The following SSR3 variants were observed in gnomAD, a reference collection of about 807,000 sequenced individuals.
SSR3 encodes the protein signal sequence receptor subunit 3, also known as translocon-associated protein subunit gamma.
In SSR3, 10 loss-of-function variants were observed where a neutral mutation model predicts 22.1. The ratio of observed to expected loss-of-function variants is 0.45; its 90% CI spans 0.28 to 0.77. The LOEUF (loss-of-function observed/expected upper bound fraction) is 0.77. SSR3 is among the 30% of genes least tolerant of loss of function. The pLI is 0.13. For missense variants in SSR3, 181 were observed against 220.5 expected, an observed-to-expected ratio of 0.82 and a Z score of 1.13; for synonymous variants, 104 against 82.5, an observed-to-expected ratio of 1.26 and a Z score of -1.42.
Position 156,554,935 on chromosome 3 carries a change from CCGCCT to C in SSR3, c.133+17_133+21del. 6.2e-7 allele frequency: 1 copy of C among 1,608,492 alleles called. No individual in the cohort carries two copies. The highest frequency in any genetic ancestry group is 8.5e-7 in the Non-Finnish European group (1 of 1,177,764). ...CCGACTAGCCGGCGGCCTGCCTAACCCGCCTCGCTCCCAGCACTCACAGATGGGGA... is the reference window on the plus strand; with the variant it reads ...CCGACTAGCCGGCGGCCTGCCTAACCCGCTCCCAGCACTCACAGATGGGGA... On this transcript the variant is annotated intron_variant, in intron 1 of 4. Transcript: ENST00000265044.
intron 3 of SSR3, among the ~76,000 whole-genome samples, chr3:156,546,493 C>T (rs1719766920): frequency 6.6e-6 from 1 of 152,162 alleles, no homozygotes; most frequent in African/African-American, 2.4e-5. Flanking sequence ...TTCCCTAGAT[C>T]CCAATATGAC....
At chr3:156,546,065 A>T (rs1719749447) in intron 3 of SSR3, among the ~76,000 whole-genome samples, 2 of 152,206 alleles carry the variant, frequency 1.3e-5, no homozygotes, top group African/African-American at 4.8e-5. Flanking sequence ...AGCCCTAAAT[A>T]AGAAGTGATA....
intron 2 of SSR3, 141 bp downstream of exon 2, chr3:156,553,514 A>AGC: frequency 1.2e-6 from 1 of 825,856 alleles, no homozygotes; most frequent in East Asian, 3.0e-5. Flanking sequence ...CCTAGCATCA[A>AGC]TGTTCCTTTC....
intron 3 of SSR3, among the ~76,000 whole-genome samples, chr3:156,544,720 C>A (rs574192342): frequency 6.6e-6 from 1 of 152,166 alleles, no homozygotes; most frequent in Non-Finnish European, 1.5e-5. Flanking sequence ...GCAACCCGCA[C>A]GGTTTCATCA....
chr3:156,541,967 A>G lies in SSR3; in HGVS notation c.*1236T>C, dbSNP rs1719546782. The G allele has an allele frequency of 6.6e-6, 1 of 152,230 alleles. No homozygotes were observed. The highest frequency in any genetic ancestry group is 1.5e-5 in the Non-Finnish European group (1 of 68,044). 9.4% of individuals were successfully genotyped at this position (152,230 alleles called of 1,614,324 possible). ...AATTATAAAGAAAACAACTAATAACATGTATGAAATTCACATTAAATTTAG... is the reference window on the plus strand; with the variant it reads ...AATTATAAAGAAAACAACTAATAACGTGTATGAAATTCACATTAAATTTAG... On this transcript the variant is annotated 3_prime_UTR_variant, in exon 5 of 5. Coordinates refer to ENST00000265044, the MANE Select transcript of SSR3 (RefSeq NM_007107.5).
At chr3:156,552,181 G>A (rs1421812043) in intron 2 of SSR3, among the ~76,000 whole-genome samples, 1 of 151,908 alleles carries the variant, frequency 6.6e-6, no homozygotes, top group Non-Finnish European at 1.5e-5. Flanking sequence ...GTGCGTGCCT[G>A]TAGTCCCAGC....
In SSR3 at chr3:156,553,039, T is replaced by TAA. The variant is rs1429517478; in HGVS notation, c.260+615_260+616insTT. ...AATTAGCATTGAAAATGACAGAGAG[T>TAA]TAAAAAAAAAAAAAAGCAATAAAAT... On this transcript the variant is annotated intron_variant, in intron 2 of 4. Transcript: ENST00000265044. Among the ~76,000 whole-genome samples, 209 of 138,624 alleles carry TAA rather than the reference T, an allele frequency of 1.5e-3. 2 individuals carry two copies. The Middle Eastern group carries it at 0.023, about 15-fold the overall frequency. 90.9% of individuals were successfully genotyped at this position (138,624 alleles called of 152,430 possible).
chr3:156,544,653 G>A (rs2108446015), intron 3 of SSR3, among the ~76,000 whole-genome samples: 2 of 152,234 alleles, frequency 1.3e-5, no homozygotes, highest in East Asian at 1.9e-4. Context: ...CATCATGCTG[G>A]TTATGTTACC....
intron 1 of SSR3, chr3:156,554,115 C>A: frequency 5.5e-6 from 1 of 183,480 alleles, no homozygotes. Context: ...AAACACAGGC[C>A]ATTCCAAAAT....
Position 156,541,090 on chromosome 3 carries a change from T to C in SSR3, c.*2113A>G, listed in dbSNP as rs193069478. Reference sequence around the variant, plus strand: ...CAGTAAACAAATTTTGCTCACTCATTTTCCTACAAATCTTCAGTTTATTAA... The same window carrying C: ...CAGTAAACAAATTTTGCTCACTCATCTTCCTACAAATCTTCAGTTTATTAA... On this transcript the variant is annotated 3_prime_UTR_variant, in exon 5 of 5. Coordinates refer to ENST00000265044, the MANE Select transcript of SSR3 (RefSeq NM_007107.5). 3 of 152,320 alleles carry C rather than the reference T, an allele frequency of 2.0e-5. No homozygotes were observed. In the East Asian group the frequency reaches 5.8e-4, roughly 29 times the overall value. The allele number at this position is 152,320 out of a possible 1,614,324, so 9.4% of individuals were successfully genotyped here.
chr3:156,543,151 T>C lies in SSR3; in HGVS notation c.*52A>G. The stretch of plus-strand genomic sequence containing the variant: ...CCCTGACCACCCTGCTACTTTTCCA[T>C]ATACCACAGGCCACCCATAGACACA... On this transcript the variant is annotated 3_prime_UTR_variant, in exon 5 of 5. Transcript: ENST00000265044. 1.9e-6 allele frequency: 3 copies of C among 1,552,994 alleles called. No individual in the cohort carries two copies. The highest frequency in any genetic ancestry group is 2.7e-6 in the Non-Finnish European group (3 of 1,128,680).
intron 2 of SSR3, chr3:156,551,370 C>G (rs1719949589): frequency 6.6e-6 from 1 of 152,028 alleles, no homozygotes. Context: ...GACTGAGTTC[C>G]AAGAGTATTA....
At chr3:156,551,578 C>A (rs755393633) in intron 2 of SSR3, 1 of 152,184 alleles carries the variant, frequency 6.6e-6, no homozygotes, top group Non-Finnish European at 1.5e-5. Flanking sequence ...ACAGCAGCCA[C>A]GAAAACCTGA....
intron 4 of SSR3, 106 bp downstream of exon 4, chr3:156,544,202 T>A (rs1719675538): frequency 9.7e-7 from 1 of 1,027,840 alleles, no homozygotes; most frequent in Non-Finnish European, 1.3e-6. Flanking sequence ...ATGGACTGAC[T>A]CCCAGAGCAG....
At chr3:156,548,186 C>A (rs1029844074) in intron 3 of SSR3, among the ~76,000 whole-genome samples, 1 of 152,142 alleles carries the variant, frequency 6.6e-6, no homozygotes, top group Non-Finnish European at 1.5e-5. Flanking sequence ...TTCTTCAGCA[C>A]AAGTTTACTC....
rs1719538574 is a variant in SSR3, at chr3:156,541,899, G to C, written c.*1304C>G. ...TGCATGGAGCCCAACACATCCGATA[G>C]CATGGAAGTGGAAGTTAAACTCCCG... On this transcript the variant is annotated 3_prime_UTR_variant, in exon 5 of 5. Transcript: ENST00000265044. 1 of 152,160 alleles carries C rather than the reference G, an allele frequency of 6.6e-6. No individual in the cohort carries two copies. Among genetic ancestry groups the C allele is most frequent in the Non-Finnish European group, 1.5e-5 (1 of 68,022 alleles). The allele number at this position is 152,160 out of a possible 1,614,324, so 9.4% of individuals were successfully genotyped here.
At chr3:156,554,654 T>C (rs889868553) in intron 1 of SSR3, 50 of 351,474 alleles carry the variant, frequency 1.4e-4, no homozygotes, top group Admixed American at 1.0e-3. Flanking sequence ...CTTGAGTTTG[T>C]CTGTTTAAAT....
intron 2 of SSR3, among the ~76,000 whole-genome samples, chr3:156,550,177 T>A (rs1719898494): frequency 6.6e-6 from 1 of 152,160 alleles, no homozygotes; most frequent in African/African-American, 2.4e-5. Context: ...TCAGACAACT[T>A]TTTTTTCCAC....
At position 156,540,419 on chromosome 3, in the gene SSR3, C is replaced by G. The variant is rs375868569; in HGVS notation, c.*2784G>C. On this transcript the variant is annotated 3_prime_UTR_variant, in exon 5 of 5. Transcript: ENST00000265044. ...AGGAGATCGAGACCATCCTGGCTAA[C>G]AGGGTGAAACCCCGTCTCTACTAAA... 15 of 151,950 alleles carry G rather than the reference C, an allele frequency of 9.9e-5. No homozygotes were observed. The highest frequency in any genetic ancestry group is 3.6e-4 in the African/African-American group (15 of 41,374). 9.4% of individuals were successfully genotyped at this position (151,950 alleles called of 1,614,324 possible).
Sources: gnomAD v4.1 joint callset for allele counts (sites outside exome capture counted in the v4.1 genomes callset) on GRCh38, gnomAD v4.1.1 for gene constraint, MANE v1.5 for transcripts, NCBI Gene and HGNC (gene_info 2026-07-23, HGNC 2026-07-21) for gene names.